Variants in PCDHGB6 observed in about 807,000 individuals in gnomAD.
PCDHGB6 encodes the protein protocadherin gamma subfamily B, 6, also known as protocadherin gamma-B6.
Under a neutral mutation model 59.1 loss-of-function variants are expected in PCDHGB6, and 51 were observed. The ratio of observed to expected loss-of-function variants is 0.86; its 90% confidence interval spans 0.69 to 1.09. PCDHGB6 has a LOEUF of 1.09. Ranked by LOEUF, PCDHGB6 falls within the 50% of genes least tolerant of loss-of-function variation. The pLI is 0.00. For missense variants in PCDHGB6, 1,148 were observed against 1,205.1 expected (o/e 0.95, Z 0.70); for synonymous variants, 466 against 495.1 (o/e 0.94, Z 0.78).
At chr5:141,468,077 C>T (rs180732917) in intron 1 of PCDHGB6, among the ~76,000 whole-genome samples, 1 of 152,152 alleles carries the variant, frequency 6.6e-6, no homozygotes, top group East Asian at 1.9e-4. Flanking sequence ...GTAATCCCAG[C>T]ACTTTGGGAG....
intron 1 of PCDHGB6, chr5:141,414,410 G>A (rs1216701146): frequency 1.2e-6 from 2 of 1,613,856 alleles, no homozygotes; most frequent in Non-Finnish European, 1.7e-6. Context: ...GTGATACACA[G>A]AGCCCTTGAC....
intron 1 of PCDHGB6, chr5:141,430,816 C>G: frequency 6.5e-7 from 1 of 1,538,128 alleles, no homozygotes. Context: ...TGGGAATCCT[C>G]CTGGGGACTC....
rs773703641 is a variant in PCDHGB6, at chr5:141,477,856, G to A, written c.2419-16951G>A. On this transcript the variant is annotated intron_variant, in intron 1 of 3. Transcript: ENST00000520790. The surrounding 1 kb of genome is among the most constrained non-coding windows in gnomAD (Gnocchi z 4.9). ...CAGGTGGGAGCTCGGTGGAGATGCT[G>A]CCTCGAGGTACCTCAGCTGGCCACC... is the stretch of plus-strand genomic sequence containing the variant. 6.2e-7 allele frequency: 1 copy of A among 1,613,592 alleles called. No homozygotes were observed. Among genetic ancestry groups the A allele is most frequent in the Admixed American group, 1.7e-5 (1 of 59,976 alleles).
chr5:141,423,760 G>T, intron 1 of PCDHGB6: 23 of 279,644 alleles, frequency 8.2e-5, no homozygotes, highest in South Asian at 2.0e-4. Flanking sequence ...TGGGGGGGGG[G>T]TGGGGCGGCA....
Position 141,410,466 on chromosome 5 carries a change from G to A in PCDHGB6, c.2264G>A (p.Cys755Tyr), listed in dbSNP as rs536543649. 1 of 1,613,908 alleles carries A rather than the reference G, an allele frequency of 6.2e-7. No homozygotes were observed. The highest frequency in any genetic ancestry group is 1.3e-5 in the African/African-American group (1 of 74,930). The change falls in exon 1 of 4, where the codon TGC becomes TAC. Residue 755 changes from cysteine (C) to tyrosine (Y), a missense_variant. Coordinates refer to ENST00000520790, the MANE Select transcript of PCDHGB6 (RefSeq NM_018926.3). Reference sequence around the variant, plus strand: ...ACTTTGCCTTATTCTTATAATCTGTGCATTGCACATACGGGTACAAAAGAG... The same window carrying A: ...ACTTTGCCTTATTCTTATAATCTGTACATTGCACATACGGGTACAAAAGAG... ...EGTLPYSYNL[C>Y]IAHTGTKEFN...
At position 141,493,412 on chromosome 5, in the gene PCDHGB6, G is replaced by A. The variant is rs1288041038; in HGVS notation, c.2419-1395G>A. Among the ~76,000 whole-genome samples, 3 of 152,114 alleles carry A rather than the reference G, an allele frequency of 2.0e-5. No individual in the cohort carries two copies. The highest frequency in any genetic ancestry group is 4.4e-5 in the Non-Finnish European group (3 of 68,024). On this transcript the variant is annotated intron_variant, in intron 1 of 3. Coordinates refer to ENST00000520790, the MANE Select transcript of PCDHGB6 (RefSeq NM_018926.3). This position sits in a 1 kb window ranked among gnomAD's most constrained non-coding sequence, Gnocchi z 4.3. ...CAGGAGAGGGGAGTTGCCTCTGCTG[G>A]GATTTTGCTTCTGCTGGGATGGGGC...
rs564486909 is a variant in PCDHGB6, at chr5:141,428,072, G to A, written c.2418+17452G>A. The A allele has an allele frequency of 1.6e-5, 25 of 1,609,080 alleles. No individual in the cohort carries two copies. The South Asian group carries it at 1.9e-4, about 12-fold the overall frequency. On this transcript the variant is annotated intron_variant, in intron 1 of 3. Coordinates refer to ENST00000520790, the MANE Select transcript of PCDHGB6 (RefSeq NM_018926.3). The stretch of plus-strand genomic sequence containing the variant: ...AGGTGGTGGCGGTGGACGCAGATTC[G>A]GGACACAACGCTTGGCTGTCCTACC...
At chr5:141,501,841 C>T (rs2099811330) in intron 2 of PCDHGB6, among the ~76,000 whole-genome samples, 1 of 152,130 alleles carries the variant, frequency 6.6e-6, no homozygotes, top group African/African-American at 2.4e-5. Flanking sequence ...CTGTTTGGCC[C>T]TCAACCTTCA....
At position 141,409,275 on chromosome 5, in the gene PCDHGB6, A is replaced by G. The variant is rs1266955919; in HGVS notation, c.1073A>G (p.Glu358Gly). 1 of 1,614,020 alleles carries G rather than the reference A, an allele frequency of 6.2e-7. No individual in the cohort carries two copies. Among genetic ancestry groups the G allele is most frequent in the South Asian group, 1.1e-5 (1 of 91,086 alleles). Reference protein sequence around the residue: ...IITSLSDQILENSPPGMVVAL... With the variant: ...IITSLSDQILGNSPPGMVVAL... ...ACTTCTCTCTCTGATCAGATTTTGGAGAATTCACCTCCAGGAATGGTTGTT... is the reference window on the plus strand; with the variant it reads ...ACTTCTCTCTCTGATCAGATTTTGGGGAATTCACCTCCAGGAATGGTTGTT... The change falls in exon 1 of 4, where the codon GAG (glutamate) becomes GGG (glycine). Residue 358 changes from glutamate to glycine, a missense_variant. Physicochemically the swap from Glu to Gly is moderately conservative, Grantham distance 98 (BLOSUM62 -2). Coordinates refer to ENST00000520790, the MANE Select transcript of PCDHGB6 (RefSeq NM_018926.3).
intron 1 of PCDHGB6, among the ~76,000 whole-genome samples, chr5:141,448,629 C>T (rs1188418541): frequency 6.6e-6 from 1 of 152,060 alleles, no homozygotes; most frequent in Non-Finnish European, 1.5e-5. Flanking sequence ...CCTTTCTTCA[C>T]ATTATATCCT....
chr5:141,499,054 TGAA>T (rs2099789231), intron 2 of PCDHGB6, among the ~76,000 whole-genome samples: 1 of 150,820 alleles, frequency 6.6e-6, no homozygotes, highest in Non-Finnish European at 1.5e-5. Context: ...GGAGAAAAAA[TGAA>T]GAAGACTTAC....
chr5:141,469,206 AG>A (rs1457933263), intron 1 of PCDHGB6, among the ~76,000 whole-genome samples: 1 of 150,920 alleles, frequency 6.6e-6, no homozygotes, highest in African/African-American at 2.4e-5. Context: ...AGCCTTTTGA[AG>A]TTGAGGCTTC....
chr5:141,422,239 G>C (rs2096636040), intron 1 of PCDHGB6: 3 of 1,566,586 alleles, frequency 1.9e-6, no homozygotes, highest in East Asian at 4.5e-5. Context: ...GTTGATCACT[G>C]TTGTGGATGT....
intron 1 of PCDHGB6, among the ~76,000 whole-genome samples, chr5:141,462,688 A>G (rs919098530): frequency 3.9e-5 from 6 of 152,126 alleles, no homozygotes; most frequent in African/African-American, 1.4e-4. Flanking sequence ...TTTTGAGCAC[A>G]TTTATAATGG....
Position 141,418,943 on chromosome 5 carries a change from C to T in PCDHGB6, c.2418+8323C>T, listed in dbSNP as rs751344893. On this transcript the variant is annotated intron_variant, in intron 1 of 3. Coordinates refer to ENST00000520790, the MANE Select transcript of PCDHGB6 (RefSeq NM_018926.3). ...TGATCAGATTATGGAGGATTCCCCT[C>T]CAGGAGTGGTTGTTGCCCTCTTCAA... The T allele has an allele frequency of 3.1e-6, 5 of 1,613,914 alleles. No homozygotes were observed. The African/African-American group carries it at 6.7e-5, about 22-fold the overall frequency.
At position 141,511,235 on chromosome 5, in the gene PCDHGB6, C is replaced by G; in HGVS notation, c.*62C>G. On this transcript the variant is annotated 3_prime_UTR_variant, in exon 4 of 4. Transcript: ENST00000520790. ...CCCCAACCAGCCCAGCTTCTCCTTA[C>G]CTGCACCCAGGCCTCAGAGTTTCAG... 2 of 1,592,936 alleles carry G rather than the reference C, an allele frequency of 1.3e-6. No homozygotes were observed. The highest frequency in any genetic ancestry group is 1.7e-6 in the Non-Finnish European group (2 of 1,169,652).
intron 1 of PCDHGB6, among the ~76,000 whole-genome samples, chr5:141,494,529 G>C (rs952931724): frequency 1.3e-5 from 2 of 152,132 alleles, no homozygotes; most frequent in African/African-American, 4.8e-5. Flanking sequence ...TCTGACTCTG[G>C]GGGCAGGGAG....
Position 141,477,265 on chromosome 5 carries a change from G to T in PCDHGB6, c.2419-17542G>T. On this transcript the variant is annotated intron_variant, in intron 1 of 3. Coordinates refer to ENST00000520790, the MANE Select transcript of PCDHGB6 (RefSeq NM_018926.3). The surrounding 1 kb of genome is among the most constrained non-coding windows in gnomAD (Gnocchi z 4.9). ...GTGTGACTGACCTGGATGCTGGCGA[G>T]AACGGGCTGGTGACCTGCGAAGTTC... 6.2e-7 allele frequency: 1 copy of T among 1,614,198 alleles called. No individual in the cohort carries two copies. Among genetic ancestry groups the T allele is most frequent in the Non-Finnish European group, 8.5e-7 (1 of 1,180,044 alleles).
intron 1 of PCDHGB6, chr5:141,423,486 C>G: frequency 6.2e-7 from 1 of 1,613,952 alleles, no homozygotes; most frequent in Non-Finnish European, 8.5e-7. Context: ...TCCTGCAAAC[C>G]TATTCCCACG....
Sources: gnomAD v4.1 joint callset for allele counts (sites outside exome capture counted in the v4.1 genomes callset) on GRCh38, gnomAD v4.1.1 for gene constraint, Gnocchi (gnomAD v3.1) non-coding constraint, MANE v1.5 for transcripts, NCBI Gene and HGNC (gene_info 2026-07-23, HGNC 2026-07-21) for gene names.